KCTD1: variants seen among roughly 807,000 people sequenced by gnomAD.
KCTD1 encodes the protein potassium channel tetramerization domain containing 1.
In KCTD1, 24 loss-of-function variants were observed where a neutral mutation model predicts 66.0. That is an observed-to-expected ratio of 0.36 (90% confidence interval 0.26 to 0.51). The LOEUF (loss-of-function observed/expected upper bound fraction) is 0.51. Among genes scored for constraint, KCTD1 ranks in the 20% least tolerant of loss-of-function variants. The probability of loss-of-function intolerance (pLI) is 0.95; values close to 1 mark genes in which losing one functional copy is unlikely to be tolerated. For synonymous variants in KCTD1, 511 were observed against 517.2 expected, an observed-to-expected ratio of 0.99 and a Z score of 0.16; for missense variants, 943 against 1,205.2, an observed-to-expected ratio of 0.78 and a Z score of 3.22.
At chr18:26,479,299 C>T (rs1438806739) in intron 2 of KCTD1, among the ~76,000 whole-genome samples, 1 of 152,116 alleles carries the variant, frequency 6.6e-6, no homozygotes, top group Non-Finnish European at 1.5e-5. Flanking sequence ...CTGAATTCCA[C>T]CCAGCACAAG....
chr18:26,535,108 G>GGGGT (rs1491338391), intron 1 of KCTD1, among the ~76,000 whole-genome samples: 19 of 119,180 alleles, frequency 1.6e-4, no homozygotes, highest in Admixed American at 5.1e-4. Flanking sequence ...GCCTGGGGTT[G>GGGGT]GGGGGTGGGG....
chr18:26,519,236 G>A lies in KCTD1; in HGVS notation c.1810-17986C>T, dbSNP rs896460199. 2.6e-5 allele frequency among the ~76,000 whole-genome samples: 4 copies of A among 152,150 alleles called. 1 individual carries two copies. Among genetic ancestry groups the A allele is most frequent in the African/African-American group, 9.7e-5 (4 of 41,410 alleles). On this transcript the variant is annotated intron_variant, in intron 1 of 4. Coordinates refer to ENST00000580059, the MANE Select transcript of KCTD1 (RefSeq NM_001142730.3). ...TTAATGATGGTCTTAGATAGTCACTGCTTAAAGAATCCTCATGTAAATGAA... is the reference window on the plus strand; with the variant it reads ...TTAATGATGGTCTTAGATAGTCACTACTTAAAGAATCCTCATGTAAATGAA...
chr18:26,509,855 C>T (rs776989666), intron 1 of KCTD1, among the ~76,000 whole-genome samples: 3 of 152,178 alleles, frequency 2.0e-5, no homozygotes, highest in African/African-American at 7.2e-5. Context: ...CCGCCCCGTG[C>T]GATCTCTGAG....
chr18:26,582,575 G>A (rs988951322), intron 1 of KCTD1, among the ~76,000 whole-genome samples: 6 of 152,198 alleles, frequency 3.9e-5, no homozygotes, highest in Non-Finnish European at 5.9e-5. Context: ...ATTCACGTTC[G>A]AAATGACACA....
chr18:26,566,513 G>A (rs1189154507), intron 1 of KCTD1: 2 of 152,202 alleles, frequency 1.3e-5, no homozygotes, highest in East Asian at 1.9e-4. Context: ...TTAACAATTC[G>A]CTGAGAAGAC....
At chr18:26,473,827 C>T (rs1321058041) in intron 3 of KCTD1, among the ~76,000 whole-genome samples, 4 of 152,134 alleles carry the variant, frequency 2.6e-5, no homozygotes, top group Non-Finnish European at 5.9e-5. Context: ...TCCAGGGCTG[C>T]GGGAAGCTCA....
chr18:26,516,419 T>C (rs1339573419), intron 1 of KCTD1, among the ~76,000 whole-genome samples: 1 of 152,198 alleles, frequency 6.6e-6, no homozygotes, highest in Non-Finnish European at 1.5e-5. Context: ...CTCCAGGTCC[T>C]GCATTTTGCT....
At chr18:26,634,013 A>G (rs1987673024), upstream of KCTD1, among the ~76,000 whole-genome samples, 1 of 152,220 alleles carries the variant, frequency 6.6e-6, no homozygotes, top group African/African-American at 2.4e-5. Context: ...GCTACACTCA[A>G]CAGCATGGTT....
At chr18:26,510,910 G>C (rs1265688947) in intron 1 of KCTD1, among the ~76,000 whole-genome samples, 2 of 152,182 alleles carry the variant, frequency 1.3e-5, no homozygotes, top group African/African-American at 4.8e-5. Flanking sequence ...TTGCAAATGT[G>C]TGTAGGTACA....
At chr18:26,566,061 T>A (rs982545516) in intron 1 of KCTD1, 47 of 152,170 alleles carry the variant, frequency 3.1e-4, no homozygotes, top group African/African-American at 1.0e-3. Flanking sequence ...TATCCAGGCA[T>A]TATGTTCAGT....
At chr18:26,620,480 A>C (rs1223808912) in intron 1 of KCTD1, among the ~76,000 whole-genome samples, 1 of 115,260 alleles carries the variant, frequency 8.7e-6, no homozygotes, top group African/African-American at 3.5e-5. Context: ...TCTGTTGCCC[A>C]GGCTGGAGTG....
At chr18:26,535,035 T>A (rs925497131) in intron 1 of KCTD1, among the ~76,000 whole-genome samples, 9 of 148,442 alleles carry the variant, frequency 6.1e-5, no homozygotes, top group African/African-American at 2.2e-4. Context: ...GACAGCAGAA[T>A]CTTTTCACTC....
At chr18:26,502,240 G>T (rs191421620) in intron 1 of KCTD1, among the ~76,000 whole-genome samples, 42 of 152,226 alleles carry the variant, frequency 2.8e-4, no homozygotes, top group Non-Finnish European at 5.1e-4. Flanking sequence ...TAGTAGAGAC[G>T]GGGTTTCACC....
intron 4 of KCTD1, 53 bp from the exon 5 acceptor site, chr18:26,455,954 T>G: frequency 6.4e-7 from 1 of 1,558,458 alleles, no homozygotes; most frequent in South Asian, 1.2e-5. Context: ...GTCCTATGGC[T>G]ACATAAACAC....
At chr18:26,538,433 A>G (rs1984813080) in intron 1 of KCTD1, among the ~76,000 whole-genome samples, 1 of 152,010 alleles carries the variant, frequency 6.6e-6, no homozygotes. Context: ...GGGCCCAGGT[A>G]GGCCAGAGTG....
At chr18:26,593,976 A>G (rs1986709203) in intron 1 of KCTD1, among the ~76,000 whole-genome samples, 1 of 152,172 alleles carries the variant, frequency 6.6e-6, no homozygotes, top group South Asian at 2.1e-4. Context: ...CAGGATTATA[A>G]AAAGAGTGGA....
chr18:26,550,936 C>T (rs922467386), upstream of KCTD1, among the ~76,000 whole-genome samples: 1 of 152,214 alleles, frequency 6.6e-6, no homozygotes, highest in Non-Finnish European at 1.5e-5. The surrounding 1 kb of genome is among the most constrained non-coding windows in gnomAD (Gnocchi z 5.4). Context: ...GGGCTGTTCC[C>T]CCGCGACCCT....
chr18:26,496,195 T>G (rs1982461934), intron 2 of KCTD1, among the ~76,000 whole-genome samples: 1 of 152,186 alleles, frequency 6.6e-6, no homozygotes, highest in African/African-American at 2.4e-5. Flanking sequence ...CCCTTAAAAT[T>G]TTCAGGGTCC....
chr18:26,598,296 A>C (rs946859054), intron 1 of KCTD1, among the ~76,000 whole-genome samples: 3 of 152,174 alleles, frequency 2.0e-5, no homozygotes, highest in Admixed American at 2.0e-4. Flanking sequence ...ATTTGTTTTC[A>C]TGGCTGAATA....
Sources: allele counts gnomAD v4.1 joint callset (sites outside exome capture counted in the v4.1 genomes callset), GRCh38; gene constraint gnomAD v4.1.1; non-coding constraint Gnocchi (gnomAD v3.1); transcripts MANE v1.5; gene names NCBI Gene and HGNC (gene_info 2026-07-23, HGNC 2026-07-21).